ZEB2: variants seen among roughly 807,000 people sequenced by gnomAD.
ZEB2 encodes the protein zinc finger E-box-binding homeobox 2.
Under a neutral mutation model 99.9 loss-of-function variants are expected in ZEB2, and 6 were observed. That is an observed-to-expected ratio of 0.06 (90% CI 0.03 to 0.12). The LOEUF is 0.12. Ranked by LOEUF, ZEB2 falls within the 10% of genes least tolerant of loss-of-function variation. The pLI is 1.00. For synonymous variants in ZEB2, 517 were observed against 542.5 expected, an observed-to-expected ratio of 0.95 and a Z score of 0.65; for missense variants, 969 against 1,502.8, an observed-to-expected ratio of 0.64 and a Z score of 5.87.
intron 6 of ZEB2, 127 bp from the exon 7 acceptor site, chr2:144,401,434 G>T (rs1423722549): frequency 3.6e-6 from 3 of 828,804 alleles, no homozygotes; most frequent in Non-Finnish European, 4.1e-6. Flanking sequence ...TTATTTATCT[G>T]CTCAGTCTTT....
At chr2:144,514,209 T>G in intron 2 of ZEB2, 3 of 220,938 alleles carry the variant, frequency 1.4e-5, no homozygotes, top group Non-Finnish European at 2.8e-5. Flanking sequence ...TCCTTTGCTT[T>G]TTATTAAATG....
At chr2:144,403,890 G>T (rs1414930646) in intron 6 of ZEB2, 26 bp downstream of exon 6, 7 of 1,613,758 alleles carry the variant, frequency 4.3e-6, no homozygotes, top group South Asian at 1.1e-5. Context: ...ATTATAGAAA[G>T]AAATCACTTA....
intron 2 of ZEB2, among the ~76,000 whole-genome samples, chr2:144,460,364 T>TTCTC (rs901907630): frequency 2.0e-5 from 3 of 152,044 alleles, no homozygotes; most frequent in African/African-American, 7.2e-5. Context: ...TTTCTTTTCT[T>TTCTC]TCTCTCTCTC....
chr2:144,515,584 G>A (rs562908856), intron 2 of ZEB2, among the ~76,000 whole-genome samples: 1 of 151,888 alleles, frequency 6.6e-6, no homozygotes, highest in African/African-American at 2.4e-5. Flanking sequence ...TGAATCTTGG[G>A]GAAGCAGCTC....
At chr2:144,473,043 T>C (rs1471132057) in intron 2 of ZEB2, among the ~76,000 whole-genome samples, 1 of 152,128 alleles carries the variant, frequency 6.6e-6, no homozygotes, top group Non-Finnish European at 1.5e-5. Flanking sequence ...GATATGTGAA[T>C]GTGGTGGGAG....
At chr2:144,470,618 A>G (rs1485403828) in intron 2 of ZEB2, 1 of 152,152 alleles carries the variant, frequency 6.6e-6, no homozygotes, top group African/African-American at 2.4e-5. Context: ...TACATGAATG[A>G]TGTTAGGTTA....
chr2:144,489,054 C>T (rs1704640201), intron 2 of ZEB2, among the ~76,000 whole-genome samples: 1 of 152,096 alleles, frequency 6.6e-6, no homozygotes, highest in Non-Finnish European at 1.5e-5. Context: ...ATGAAATCTA[C>T]TCTATTATTG....
chr2:144,417,298 A>G (rs1234423722), intron 4 of ZEB2, among the ~76,000 whole-genome samples: 1 of 152,152 alleles, frequency 6.6e-6, no homozygotes, highest in East Asian at 1.9e-4. Flanking sequence ...CTATTTCCTT[A>G]AAGTTTCCTC....
At chr2:144,436,003 G>C (rs866865173) in intron 2 of ZEB2, among the ~76,000 whole-genome samples, 2 of 151,542 alleles carry the variant, frequency 1.3e-5, no homozygotes, top group South Asian at 4.2e-4. Flanking sequence ...CTAAATGCAA[G>C]GTTCAATTTC....
intron 2 of ZEB2, among the ~76,000 whole-genome samples, chr2:144,452,553 C>T (rs1172439345): frequency 6.6e-6 from 1 of 152,188 alleles, no homozygotes; most frequent in Non-Finnish European, 1.5e-5. Context: ...ACTGTGAGAA[C>T]AGGCAATCAG....
At chr2:144,404,313 G>A (rs760543354) in intron 5 of ZEB2, among the ~76,000 whole-genome samples, 183 bp from the exon 6 acceptor site, 6 of 138,532 alleles carry the variant, frequency 4.3e-5, no homozygotes, top group South Asian at 2.3e-4. Flanking sequence ...CAGACTTGTC[G>A]GAATCAGCTC....
At chr2:144,472,617 T>C (rs1704373780) in intron 2 of ZEB2, among the ~76,000 whole-genome samples, 1 of 152,100 alleles carries the variant, frequency 6.6e-6, no homozygotes, top group African/African-American at 2.4e-5. Context: ...AACTGCCCAA[T>C]GTCATAGGTA....
intron 2 of ZEB2, among the ~76,000 whole-genome samples, chr2:144,448,308 G>T (rs1203797419): frequency 6.6e-6 from 1 of 152,088 alleles, no homozygotes; most frequent in African/African-American, 2.4e-5. Flanking sequence ...GTGGAAAGGG[G>T]GCATCCCAGA....
chr2:144,436,810 C>G (rs1703845347), intron 2 of ZEB2, among the ~76,000 whole-genome samples: 1 of 151,918 alleles, frequency 6.6e-6, no homozygotes, highest in Admixed American at 6.6e-5. Context: ...AAGCAAGGAC[C>G]CTCCCTTTGT....
intron 3 of ZEB2, chr2:144,429,108 T>C (rs985988093): frequency 1.3e-5 from 2 of 152,344 alleles, no homozygotes; most frequent in Non-Finnish European, 2.9e-5. Context: ...GTCGGAAGTT[T>C]TAGTTTGAAT....
At chr2:144,470,134 A>T (rs1704334406) in intron 2 of ZEB2, among the ~76,000 whole-genome samples, 1 of 152,218 alleles carries the variant, frequency 6.6e-6, no homozygotes, top group Admixed American at 6.5e-5. Context: ...CTTTGTTTTT[A>T]AAATCATACA....
intron 2 of ZEB2, among the ~76,000 whole-genome samples, chr2:144,502,782 T>C (rs2149926164): frequency 6.6e-6 from 1 of 152,296 alleles, no homozygotes; most frequent in South Asian, 2.1e-4. Flanking sequence ...AACAATTATT[T>C]TGTTTTTAAG....
At chr2:144,476,967 G>A (rs1482076937) in intron 2 of ZEB2, among the ~76,000 whole-genome samples, 1 of 151,964 alleles carries the variant, frequency 6.6e-6, no homozygotes, top group Non-Finnish European at 1.5e-5. Flanking sequence ...AACATTCATG[G>A]GGCAATGAAA....
chr2:144,420,980 G>A (rs1297782762), intron 4 of ZEB2, among the ~76,000 whole-genome samples: 2 of 152,170 alleles, frequency 1.3e-5, no homozygotes, highest in African/African-American at 2.4e-5. Flanking sequence ...TAGGAAAGAT[G>A]TGGGCTGACT....
Sources: gnomAD v4.1 joint callset for allele counts (sites outside exome capture counted in the v4.1 genomes callset) on GRCh38, gnomAD v4.1.1 for gene constraint, MANE v1.5 for transcripts, NCBI Gene and HGNC (gene_info 2026-07-23, HGNC 2026-07-21) for gene names.